Variants in CAPN3 observed in about 807,000 individuals in gnomAD.
The protein encoded by CAPN3 is calpain 3, also known as calpain-3.
A neutral mutation model predicts 114.0 loss-of-function variants in CAPN3; 88 were observed. That is an observed-to-expected ratio of 0.77 (90% confidence interval 0.65 to 0.92). CAPN3 has a LOEUF of 0.92. CAPN3 is among the 40% of genes least tolerant of loss of function. The pLI, the probability that CAPN3 is intolerant of heterozygous loss-of-function variation, is 0.00. For synonymous variants in CAPN3, 386 were observed against 382.9 expected (o/e 1.01, Z -0.09); for missense variants, 1,028 against 1,069.0 (o/e 0.96, Z 0.53).
intron 1 of CAPN3, chr15:42,374,450 C>T (rs1484203514): frequency 6.6e-6 from 1 of 152,158 alleles, no homozygotes; most frequent in Non-Finnish European, 1.5e-5. Context: ...ATTGTGTGTT[C>T]CTAGCAGGTG....
Position 42,410,468 on chromosome 15 carries a change from A to C in CAPN3, c.2156A>C (p.His719Pro), listed in dbSNP as rs1260414145. The C allele has an allele frequency of 1.2e-6, 2 of 1,614,064 alleles. No homozygotes were observed. Among genetic ancestry groups the C allele is most frequent in the Non-Finnish European group, 1.7e-6 (2 of 1,180,008 alleles). ...AAGCTCAACCTGCAGGAGTTCCACC[A>C]CCTCTGGAACAAGATTAAGGCCTGG... is the stretch of plus-strand genomic sequence containing the variant. Reference protein sequence around the residue: ...SGKLNLQEFHHLWNKIKAWQK... With the variant: ...SGKLNLQEFHPLWNKIKAWQK... Residue 719 changes from histidine to proline, a missense_variant, in exon 20 of 24, where the codon CAC becomes CCC. Physicochemically the swap from His to Pro is moderately conservative, Grantham distance 77. Transcript: ENST00000397163.
chr15:42,362,716 A>G (rs1268212903), intron 1 of CAPN3, among the ~76,000 whole-genome samples: 4 of 152,242 alleles, frequency 2.6e-5, no homozygotes, highest in Non-Finnish European at 5.9e-5. Flanking sequence ...ATTAAGGCCC[A>G]GAAAGGGCAA....
rs141195721 is a variant in CAPN3 at position 42,363,431 on chromosome 15, C to A, written c.309+3317C>A. On this transcript the variant is annotated intron_variant, in intron 1 of 23. Coordinates refer to ENST00000397163, the MANE Select transcript of CAPN3 (RefSeq NM_000070.3). Reference sequence around the variant, plus strand: ...ATAGGTTGGGGATGGGAGGGCAGGTCGTGTTTCATTCCATGGGGTGGAAGG... The same window carrying A: ...ATAGGTTGGGGATGGGAGGGCAGGTAGTGTTTCATTCCATGGGGTGGAAGG... 2.5e-3 allele frequency among the ~76,000 whole-genome samples: 383 copies of A among 152,214 alleles called. 3 individuals are homozygous for A. The highest frequency in any genetic ancestry group is 7.8e-3 in the African/African-American group (325 of 41,530).
intron 2 of CAPN3, chr15:42,385,531 C>CAG (rs751078121): frequency 0.01 from 3,681 of 359,490 alleles, 17 homozygotes; most frequent in African/African-American, 0.024. Flanking sequence ...TATACACACA[C>CAG]AGAGAGAGAG....
Position 42,403,018 on chromosome 15 carries a change from G to C in CAPN3, c.1745+16G>C. ...ACCTCTCTGAGTGAGTGCTGGCCCA[G>C]CTTTCCCACGTGTTTCTAAAAGCTC... is the stretch of plus-strand genomic sequence containing the variant. On this transcript the variant is annotated intron_variant, in intron 13 of 23. Transcript: ENST00000397163. 1 of 1,609,204 alleles carries C rather than the reference G, an allele frequency of 6.2e-7. No individual in the cohort carries two copies. The highest frequency in any genetic ancestry group is 8.5e-7 in the Non-Finnish European group (1 of 1,175,642).
chr15:42,402,417 A>G (rs2053898766), intron 12 of CAPN3: 2 of 1,437,392 alleles, frequency 1.4e-6, no homozygotes, highest in South Asian at 1.5e-5. Flanking sequence ...AGCCACACAC[A>G]CAGTCACACA....
At chr15:42,393,069 T>A (rs28364445) in intron 7 of CAPN3, among the ~76,000 whole-genome samples, 4,597 of 152,326 alleles carry the variant, frequency 0.03, 237 homozygotes, top group African/African-American at 0.11. Context: ...GCTACAGTTG[T>A]CTCTGGGTAG....
chr15:42,410,867 C>A lies in CAPN3; in HGVS notation c.2264-17C>A. On this transcript the variant is annotated splice_polypyrimidine_tract_variant and intron_variant, in intron 21 of 23. Transcript: ENST00000397163. ...CCTCCAGCTCCACGTCCACCTCTAACATGGTCCCCTCCACAGGATTCCACC... is the reference window on the plus strand; with the variant it reads ...CCTCCAGCTCCACGTCCACCTCTAAAATGGTCCCCTCCACAGGATTCCACC... 1 of 1,597,280 alleles carries A rather than the reference C, an allele frequency of 6.3e-7. No homozygotes were observed. The highest frequency in any genetic ancestry group is 8.6e-7 in the Non-Finnish European group (1 of 1,164,622).
At chr15:42,362,398 C>T (rs535148496) in intron 1 of CAPN3, among the ~76,000 whole-genome samples, 3 of 152,166 alleles carry the variant, frequency 2.0e-5, no homozygotes, top group Non-Finnish European at 1.5e-5. Context: ...CTGTTATGCT[C>T]TAGGTACTAG....
In CAPN3 at chr15:42,390,035, A is replaced by G; in HGVS notation, c.884A>G (p.Asp295Gly). ...ATTGCACGGATGGTAAGGAATATGG[A>G]TAACTCACTGCTCCAGGACTCAGAC... is the stretch of plus-strand genomic sequence containing the variant. ...ELIARMVRNM[D>G]NSLLQDSDLD... Residue 295 changes from aspartate to glycine, a missense_variant, in exon 6 of 24, where the codon GAT becomes GGT. Coordinates refer to ENST00000397163, the MANE Select transcript of CAPN3 (RefSeq NM_000070.3). 6.2e-7 allele frequency: 1 copy of G among 1,614,088 alleles called. No homozygotes were observed. Among genetic ancestry groups the G allele is most frequent in the East Asian group, 2.2e-5 (1 of 44,876 alleles).
chr15:42,408,805 A>T (rs2054104607), intron 16 of CAPN3: 2 of 299,092 alleles, frequency 6.7e-6, no homozygotes, highest in Non-Finnish European at 1.3e-5. Flanking sequence ...TCTCCAGACC[A>T]ATCCAGGGCC....
intron 16 of CAPN3, chr15:42,408,984 C>A: frequency 2.5e-6 from 1 of 399,008 alleles, no homozygotes; most frequent in Non-Finnish European, 4.7e-6. Context: ...CTTTGACCTG[C>A]GGGCACCTTT....
At chr15:42,377,833 C>T (rs550868001) in intron 1 of CAPN3, among the ~76,000 whole-genome samples, 2 of 152,214 alleles carry the variant, frequency 1.3e-5, no homozygotes, top group South Asian at 4.1e-4. Flanking sequence ...TAATTATTGA[C>T]TCAATATTCT....
chr15:42,376,948 T>A (rs2053104468), intron 1 of CAPN3, among the ~76,000 whole-genome samples: 1 of 152,246 alleles, frequency 6.6e-6, no homozygotes, highest in African/African-American at 2.4e-5. Flanking sequence ...GGAATATTTT[T>A]AAATTTCGAA....
chr15:42,396,686 T>G, intron 8 of CAPN3, 114 bp from the exon 9 acceptor site: 1 of 797,256 alleles, frequency 1.3e-6, no homozygotes, highest in South Asian at 1.4e-5. Flanking sequence ...GAAGTCAGCA[T>G]TTTGGTAGTT....
chr15:42,387,824 T>A lies in CAPN3; in HGVS notation c.570T>A (p.Val190=). The A allele has an allele frequency of 6.2e-7, 1 of 1,614,132 alleles. No individual in the cohort carries two copies. Among genetic ancestry groups the A allele is most frequent in the Middle Eastern group, 1.6e-4 (1 of 6,062 alleles). Residue 190 remains valine (V), a synonymous_variant, in exon 4 of 24, where the codon GTT becomes GTA. Coordinates refer to ENST00000397163, the MANE Select transcript of CAPN3 (RefSeq NM_000070.3). ...DCLPTYNNQL[V]FTKSNHRNEF... ...TGCCAACGTACAACAATCAACTGGT[T>A]TTCACCAAGTCCAACCACCGCAATG...
At chr15:42,363,339 T>TA (rs1276139562) in intron 1 of CAPN3, among the ~76,000 whole-genome samples, 1 of 152,182 alleles carries the variant, frequency 6.6e-6, no homozygotes, top group Non-Finnish European at 1.5e-5. Context: ...TGATGACAGA[T>TA]CCCAGGGCAG....
At chr15:42,402,426 C>T in intron 12 of CAPN3, 1 of 1,434,756 alleles carries the variant, frequency 7.0e-7, no homozygotes, top group Non-Finnish European at 9.1e-7. Context: ...CACAGTCACA[C>T]AGACGCGTTC....
At position 42,412,049 on chromosome 15, in the gene CAPN3, G is replaced by C; in HGVS notation, c.*276G>C. 5 of 1,523,072 alleles carry C rather than the reference G, an allele frequency of 3.3e-6. No homozygotes were observed. The highest frequency in any genetic ancestry group is 4.4e-6 in the Non-Finnish European group (5 of 1,140,572). 94.3% of individuals were successfully genotyped at this position (1,523,072 alleles called of 1,614,324 possible). ...GCCTGCCTCTGGTCCGAGCCGCCTC[G>C]GTTCTGAAGCGAGTGCTCCTGCTTA... On this transcript the variant is annotated 3_prime_UTR_variant, in exon 24 of 24. Transcript: ENST00000397163.
Sources: allele counts gnomAD v4.1 joint callset (sites outside exome capture counted in the v4.1 genomes callset), GRCh38; gene constraint gnomAD v4.1.1; transcripts MANE v1.5; gene names NCBI Gene and HGNC (gene_info 2026-07-23, HGNC 2026-07-21).